NAALADL2: variants seen among roughly 807,000 people sequenced by gnomAD.
NAALADL2 encodes the protein inactive N-acetylated-alpha-linked acidic dipeptidase-like protein 2.
NAALADL2 carries 76 observed loss-of-function variants against 87.2 expected under a neutral mutation model. That is an observed-to-expected ratio of 0.87 (90% CI 0.72 to 1.05). The LOEUF (loss-of-function observed/expected upper bound fraction) is 1.05, where lower values mean the gene tolerates loss of function less well. Ranked by LOEUF, NAALADL2 falls within the 50% of genes least tolerant of loss-of-function variation. The pLI is 0.00. For missense variants in NAALADL2, 1,089 were observed against 945.8 expected (o/e 1.15, Z -1.99); for synonymous variants, 354 against 331.0 (o/e 1.07, Z -0.75).
intron 2 of NAALADL2, among the ~76,000 whole-genome samples, chr3:174,569,560 C>T (rs1485692409): frequency 3.3e-5 from 5 of 152,110 alleles, no homozygotes; most frequent in South Asian, 2.1e-4. Flanking sequence ...TGTCATTTCC[C>T]TGCTTCTTTG....
At chr3:175,633,831 G>A (rs1037015740) in intron 11 of NAALADL2, among the ~76,000 whole-genome samples, 11 of 151,488 alleles carry the variant, frequency 7.3e-5, no homozygotes, top group African/African-American at 2.7e-4. Flanking sequence ...ACAAAAACAG[G>A]AAGAGATGGA....
At chr3:175,712,142 G>A (rs1308915507) in intron 11 of NAALADL2, among the ~76,000 whole-genome samples, 1 of 151,780 alleles carries the variant, frequency 6.6e-6, no homozygotes, top group Non-Finnish European at 1.5e-5. Flanking sequence ...AGATAAGAAG[G>A]TATAGTTAAG....
At chr3:174,501,407 G>A (rs1718892604) in intron 1 of NAALADL2, among the ~76,000 whole-genome samples, 1 of 152,108 alleles carries the variant, frequency 6.6e-6, no homozygotes, top group African/African-American at 2.4e-5. Flanking sequence ...ATAGTAGTAG[G>A]TTAATGCTGG....
In NAALADL2 at chr3:175,409,474, C is replaced by T. The variant is rs189330828; in HGVS notation, c.1091-37755C>T. ...TACCCATATTGTTGACTCACCTTGC[C>T]TGTGAAAATTCTATATGTATGTTAA... On this transcript the variant is annotated intron_variant, in intron 5 of 13. Coordinates refer to ENST00000454872, the MANE Select transcript of NAALADL2 (RefSeq NM_207015.3). Among the ~76,000 whole-genome samples the T allele has an allele frequency of 3.5e-4, 53 of 151,794 alleles. No individual in the cohort carries two copies. In the East Asian group the frequency reaches 7.0e-3, roughly 20 times the overall value.
intron 4 of NAALADL2, among the ~76,000 whole-genome samples, chr3:175,274,852 T>C (rs1753349531): frequency 6.6e-6 from 1 of 152,198 alleles, no homozygotes; most frequent in Non-Finnish European, 1.5e-5. Context: ...AGTTATATTT[T>C]CATTTTATTG....
intron 2 of NAALADL2, among the ~76,000 whole-genome samples, chr3:175,198,655 T>TG (rs1739362065): frequency 6.6e-6 from 1 of 151,970 alleles, no homozygotes; most frequent in Non-Finnish European, 1.5e-5. Context: ...AAACATACTG[T>TG]GGGGGAATAA....
chr3:175,176,567 G>T (rs1735721445), intron 2 of NAALADL2, among the ~76,000 whole-genome samples: 1 of 152,102 alleles, frequency 6.6e-6, no homozygotes, highest in Non-Finnish European at 1.5e-5. Context: ...TTAAGTTAAG[G>T]ATTTTGAAAA....
chr3:174,480,730 T>A (rs1158479767), intron 1 of NAALADL2, among the ~76,000 whole-genome samples: 2 of 152,024 alleles, frequency 1.3e-5, no homozygotes, highest in Non-Finnish European at 2.9e-5. Context: ...ATAGTAAAAG[T>A]GAGAGGAGCA....
intron 5 of NAALADL2, among the ~76,000 whole-genome samples, chr3:175,355,900 G>T (rs1764305062): frequency 6.6e-6 from 1 of 152,150 alleles, no homozygotes; most frequent in South Asian, 2.1e-4. Context: ...ACTTGAACAA[G>T]ACCTTGACAA....
intron 9 of NAALADL2, among the ~76,000 whole-genome samples, chr3:175,486,472 C>G (rs1311398880): frequency 6.6e-6 from 1 of 152,152 alleles, no homozygotes; most frequent in East Asian, 1.9e-4. Context: ...ATTCCTTCAG[C>G]AATTTTGGCT....
At chr3:175,075,271 A>C (rs903880368) in intron 1 of NAALADL2, among the ~76,000 whole-genome samples, 1 of 152,154 alleles carries the variant, frequency 6.6e-6, no homozygotes, top group Non-Finnish European at 1.5e-5. Flanking sequence ...AAGAAACAGA[A>C]ACTTAGAATT....
intron 1 of NAALADL2, among the ~76,000 whole-genome samples, chr3:174,517,333 C>A (rs375800902): frequency 6.6e-6 from 1 of 151,984 alleles, no homozygotes; most frequent in African/African-American, 2.4e-5. Context: ...AATTGGAGTG[C>A]TTTCAGAACA....
At chr3:174,879,463 A>T (rs986231300) in intron 1 of NAALADL2, among the ~76,000 whole-genome samples, 3 of 152,140 alleles carry the variant, frequency 2.0e-5, no homozygotes, top group African/African-American at 7.2e-5. Context: ...CTCAAAACAT[A>T]CAGTTTTAAA....
At chr3:175,501,684 G>T (rs1355318398) in intron 9 of NAALADL2, among the ~76,000 whole-genome samples, 3 of 152,004 alleles carry the variant, frequency 2.0e-5, no homozygotes, top group Non-Finnish European at 4.4e-5. Context: ...AGCAATAGCA[G>T]GTTTCAGAAT....
chr3:175,705,629 A>G (rs1739584744), intron 11 of NAALADL2, among the ~76,000 whole-genome samples: 1 of 152,004 alleles, frequency 6.6e-6, no homozygotes, highest in African/African-American at 2.4e-5. Context: ...TTTTATAGGT[A>G]TTTTGTATAC....
rs1723585116 is a variant in NAALADL2 at position 175,108,315 on chromosome 3, A to C, written c.545+11024A>C. Among the ~76,000 whole-genome samples, 4 of 151,990 alleles carry C rather than the reference A, an allele frequency of 2.6e-5. No homozygotes were observed. The South Asian group carries it at 8.3e-4, about 31-fold the overall frequency. On this transcript the variant is annotated intron_variant, in intron 2 of 13. Transcript: ENST00000454872. ...GTATTAGAAATAAAGAAAGAAAACTATGATTTGAGATCAAATTACCTTTTT... is the reference window on the plus strand; with the variant it reads ...GTATTAGAAATAAAGAAAGAAAACTCTGATTTGAGATCAAATTACCTTTTT...
chr3:175,437,989 T>C (rs1389258913), intron 5 of NAALADL2, among the ~76,000 whole-genome samples: 1 of 152,038 alleles, frequency 6.6e-6, no homozygotes, highest in African/African-American at 2.4e-5. Context: ...ACCAATGAAA[T>C]GAGAAGATGT....
chr3:174,875,306 G>T (rs983993137), intron 1 of NAALADL2, among the ~76,000 whole-genome samples: 1 of 151,726 alleles, frequency 6.6e-6, no homozygotes, highest in Non-Finnish European at 1.5e-5. Context: ...TTTCAAAAAT[G>T]ATAAAAAAGC....
intron 3 of NAALADL2, among the ~76,000 whole-genome samples, chr3:174,812,387 G>A (rs1720314454): frequency 1.3e-5 from 2 of 151,990 alleles, no homozygotes; most frequent in South Asian, 2.1e-4. Context: ...TGGTGATGCT[G>A]GTGTAAACAA....
Sources: allele counts gnomAD v4.1 joint callset (sites outside exome capture counted in the v4.1 genomes callset), GRCh38; gene constraint gnomAD v4.1.1; transcripts MANE v1.5; gene names NCBI Gene and HGNC (gene_info 2026-07-23, HGNC 2026-07-21).